IQSEC1: variants seen among roughly 807,000 people sequenced by gnomAD.
The protein encoded by IQSEC1 is IQ motif and SEC7 domain-containing protein 1.
Under a neutral mutation model 91.0 loss-of-function variants are expected in IQSEC1, and 31 were observed. The observed-to-expected ratio is 0.34, with a 90% confidence interval of 0.26 to 0.46. The LOEUF (loss-of-function observed/expected upper bound fraction) is 0.46. Among genes scored for constraint, IQSEC1 ranks in the 20% least tolerant of loss-of-function variants. The probability of loss-of-function intolerance (pLI) is 1.00; values close to 1 mark genes in which losing one functional copy is unlikely to be tolerated. For synonymous variants in IQSEC1, 699 were observed against 662.6 expected, an observed-to-expected ratio of 1.05 and a Z score of -0.84; for missense variants, 1,388 against 1,575.6, an observed-to-expected ratio of 0.88 and a Z score of 2.02.
chr3:13,060,754 G>T (rs897865086), intron 1 of IQSEC1, among the ~76,000 whole-genome samples: 2 of 152,206 alleles, frequency 1.3e-5, no homozygotes, highest in African/African-American at 4.8e-5. Context: ...CTCATCAGCC[G>T]GAAGCTCTTG....
chr3:13,054,882 C>T (rs546405812), intron 1 of IQSEC1, among the ~76,000 whole-genome samples: 1 of 152,366 alleles, frequency 6.6e-6, no homozygotes, highest in Non-Finnish European at 1.5e-5. Context: ...CCTCAGTTTC[C>T]TCATTTGTAA....
chr3:13,105,396 G>A (rs1022505320), intron 2 of IQSEC1, among the ~76,000 whole-genome samples: 3 of 152,170 alleles, frequency 2.0e-5, no homozygotes, highest in Non-Finnish European at 2.9e-5. Context: ...GGGATGGCCA[G>A]CAGACAGATG....
At chr3:12,934,683 C>T (rs1469569205) in intron 3 of IQSEC1, among the ~76,000 whole-genome samples, 2 of 152,140 alleles carry the variant, frequency 1.3e-5, no homozygotes, top group Non-Finnish European at 2.9e-5. Flanking sequence ...TTCCCCAGGC[C>T]AAGTGCTCAG....
chr3:12,997,158 C>T (rs1013517094), intron 1 of IQSEC1, among the ~76,000 whole-genome samples: 38 of 152,194 alleles, frequency 2.5e-4, no homozygotes, highest in African/African-American at 8.7e-4. Context: ...GACAGATCTC[C>T]AGGTCATATT....
chr3:12,997,983 A>T (rs1408020939), intron 1 of IQSEC1, among the ~76,000 whole-genome samples: 1 of 152,234 alleles, frequency 6.6e-6, no homozygotes, highest in Non-Finnish European at 1.5e-5. Context: ...TCCACCAGTG[A>T]GGGATTTGTT....
chr3:12,964,742 G>A (rs1376859260), intron 1 of IQSEC1, among the ~76,000 whole-genome samples: 1 of 152,136 alleles, frequency 6.6e-6, no homozygotes, highest in East Asian at 1.9e-4. Flanking sequence ...TAAGTCTCAA[G>A]CTGCCCTGGA....
Position 13,214,033 on chromosome 3 carries a change from C to T in IQSEC1, c.273-49900G>A, listed in dbSNP as rs557923575. ...CTCTTCCTGGTCCCTCCCCGCCACC[C>T]GGCTCCTTCCTCTGATAGGCCTGTC... is the stretch of plus-strand genomic sequence containing the variant. On this transcript the variant is annotated intron_variant, in intron 1 of 15. Coordinates refer to the IQSEC1 transcript ENST00000648114. The surrounding 1 kb of genome is among the most constrained non-coding windows in gnomAD (Gnocchi z 4.5). 8.5e-5 allele frequency among the ~76,000 whole-genome samples: 13 copies of T among 152,330 alleles called. No individual in the cohort carries two copies. Among genetic ancestry groups the T allele is most frequent in the African/African-American group, 2.6e-4 (11 of 41,568 alleles).
intron 1 of IQSEC1, among the ~76,000 whole-genome samples, chr3:13,040,041 C>T (rs564234317): frequency 1.3e-5 from 2 of 152,362 alleles, no homozygotes; most frequent in African/African-American, 2.4e-5. Flanking sequence ...AATGAAGCCT[C>T]ACATGTAGCA....
At chr3:13,014,292 C>T (rs1382098657) in intron 1 of IQSEC1, among the ~76,000 whole-genome samples, 1 of 152,192 alleles carries the variant, frequency 6.6e-6, no homozygotes, top group Non-Finnish European at 1.5e-5. Context: ...CCCACAGAGG[C>T]CTGCTTCACC....
chr3:13,024,091 G>C (rs1703512343), intron 1 of IQSEC1, among the ~76,000 whole-genome samples: 1 of 152,200 alleles, frequency 6.6e-6, no homozygotes, highest in African/African-American at 2.4e-5. Flanking sequence ...CACAGACTAA[G>C]GCCTCCATTC....
chr3:12,955,217 A>G (rs1699825067), intron 1 of IQSEC1, among the ~76,000 whole-genome samples: 1 of 152,238 alleles, frequency 6.6e-6, no homozygotes, highest in African/African-American at 2.4e-5. Context: ...CAAGTCACCA[A>G]GGAACTTGAA....
intron 1 of IQSEC1, among the ~76,000 whole-genome samples, chr3:13,256,391 A>T (rs1020465162): frequency 2.0e-5 from 3 of 152,266 alleles, no homozygotes; most frequent in African/African-American, 7.2e-5. Context: ...TAATGATATC[A>T]TATATAATTA....
At chr3:12,942,335 G>C (rs1698828356) in intron 1 of IQSEC1, among the ~76,000 whole-genome samples, 1 of 152,204 alleles carries the variant, frequency 6.6e-6, no homozygotes, top group South Asian at 2.1e-4. Flanking sequence ...GGGCGCGGTG[G>C]CTCACACCTG....
At chr3:13,275,998 C>A (rs369924531) in intron 1 of IQSEC1, among the ~76,000 whole-genome samples, 24 of 151,904 alleles carry the variant, frequency 1.6e-4, no homozygotes, top group African/African-American at 5.6e-4. Flanking sequence ...AGTGTTCTGC[C>A]CCATACAGCT....
intron 1 of IQSEC1, among the ~76,000 whole-genome samples, chr3:13,043,129 C>T (rs1195582682): frequency 6.6e-6 from 1 of 152,176 alleles, no homozygotes. Flanking sequence ...TCATTGGCTG[C>T]CGGCAGGGGA....
At chr3:13,223,109 C>T (rs1243331307) in intron 1 of IQSEC1, among the ~76,000 whole-genome samples, 2 of 152,220 alleles carry the variant, frequency 1.3e-5, no homozygotes, top group South Asian at 4.1e-4. Context: ...CATCCAGACC[C>T]CCGGCTTGCC....
At chr3:13,278,941 G>A (rs1695741206) in intron 1 of IQSEC1, among the ~76,000 whole-genome samples, 4 of 152,170 alleles carry the variant, frequency 2.6e-5, no homozygotes, top group South Asian at 2.1e-4. Context: ...CATGATTTCT[G>A]AGCCTCAGGT....
rs946663550 is a variant in IQSEC1, at chr3:12,899,746, G to A, written c.*1237C>T. ...CACACACCGCCCTGGGTTGCTAAACGCTAAAGTCAACCTTCAGGTTCGAGA... is the reference window on the plus strand; with the variant it reads ...CACACACCGCCCTGGGTTGCTAAACACTAAAGTCAACCTTCAGGTTCGAGA... On this transcript the variant is annotated 3_prime_UTR_variant, in exon 14 of 14. Transcript: ENST00000613206. 2.2e-5 allele frequency: 22 copies of A among 985,298 alleles called. No individual in the cohort carries two copies. Among genetic ancestry groups the A allele is most frequent in the Non-Finnish European group, 2.5e-5 (21 of 829,936 alleles). 61.0% of individuals were successfully genotyped at this position (985,298 alleles called of 1,614,324 possible).
intron 1 of IQSEC1, among the ~76,000 whole-genome samples, chr3:13,192,857 G>C (rs1356755080): frequency 6.6e-6 from 1 of 152,240 alleles, no homozygotes; most frequent in African/African-American, 2.4e-5. Flanking sequence ...CTGGAGTTCT[G>C]CTTTGCAGAT....
Sources: allele counts gnomAD v4.1 joint callset (sites outside exome capture counted in the v4.1 genomes callset), GRCh38; gene constraint gnomAD v4.1.1; non-coding constraint Gnocchi (gnomAD v3.1); transcripts MANE v1.5; gene names NCBI Gene and HGNC (gene_info 2026-07-23, HGNC 2026-07-21).